Variants in PRDM14 observed in about 807,000 individuals in gnomAD.
PRDM14 encodes PR domain zinc finger protein 14.
PRDM14 carries 16 observed loss-of-function variants against 48.0 expected under a neutral mutation model. That is an observed-to-expected ratio of 0.33 (90% CI 0.23 to 0.51). PRDM14 has a LOEUF of 0.51. Ranked by LOEUF, PRDM14 falls within the 20% of genes least tolerant of loss-of-function variation. PRDM14 has a pLI of 0.97. For missense variants in PRDM14, 566 were observed against 719.6 expected, an observed-to-expected ratio of 0.79 and a Z score of 2.44; for synonymous variants, 264 against 276.6, an observed-to-expected ratio of 0.95 and a Z score of 0.45.
Position 70,051,853 on chromosome 8 carries a change from C to G in PRDM14, c.*224G>C, listed in dbSNP as rs1476224387. ...GTGGGGCGATCTCAGCTCACAGCAA[C>G]CTCCGTCTCCTGTGCTCAAACCATC... is the stretch of plus-strand genomic sequence containing the variant. On this transcript the variant is annotated 3_prime_UTR_variant, in exon 8 of 8. Transcript: ENST00000276594. 2.2e-6 allele frequency: 1 copy of G among 462,612 alleles called. No homozygotes were observed. The highest frequency in any genetic ancestry group is 3.9e-6 in the Non-Finnish European group (1 of 256,634). The allele number at this position is 462,612 out of a possible 1,614,324, so 28.7% of individuals were successfully genotyped here. A position where few individuals can be genotyped will look rare whatever the true frequency, so the allele number is the denominator to read the frequency against.
chr8:70,069,664 A>T lies in PRDM14; in HGVS notation c.197T>A (p.Met66Lys), dbSNP rs1277233772. Residue 66 changes from methionine (M) to lysine (K), a missense_variant, in exon 2 of 8, where the codon ATG (methionine) becomes AAG (lysine). By Grantham distance (95) the Met-to-Lys change is moderately conservative. Around this residue, in one of 3 missense-constraint regions of PRDM14, gnomAD observed 410 missense variants for 424.6 expected, o/e 0.97. Transcript: ENST00000276594. ...CGCCATCCGGAAGGGGAAGGGGGGCATGGCGGGGGCAGCAGACGCTGCGGC... is the reference window on the plus strand; with the variant it reads ...CGCCATCCGGAAGGGGAAGGGGGGCTTGGCGGGGGCAGCAGACGCTGCGGC... ...LEAAASAAPA[M>K]PPFPFRMAPP... 1 of 1,540,768 alleles carries T rather than the reference A, an allele frequency of 6.5e-7. No homozygotes were observed. Among genetic ancestry groups the T allele is most frequent in the Non-Finnish European group, 8.7e-7 (1 of 1,144,364 alleles).
intron 6 of PRDM14, among the ~76,000 whole-genome samples, chr8:70,057,497 T>A (rs1050021087): frequency 2.6e-5 from 4 of 151,792 alleles, no homozygotes; most frequent in African/African-American, 9.7e-5. Context: ...ACCCGGCTAA[T>A]GTTTTTATAT....
intron 5 of PRDM14, among the ~76,000 whole-genome samples, chr8:70,059,152 A>G (rs1464113483): frequency 2.6e-5 from 4 of 152,060 alleles, no homozygotes; most frequent in Admixed American, 1.3e-4. Context: ...ACAGGGTTTC[A>G]TCATGTTGGC....
chr8:70,065,794 T>C (rs983136554), intron 5 of PRDM14, among the ~76,000 whole-genome samples: 4 of 151,598 alleles, frequency 2.6e-5, no homozygotes, highest in Admixed American at 2.0e-4. Context: ...TTTTTTAATG[T>C]GGGTCTTGAC....
At position 70,069,470 on chromosome 8, in the gene PRDM14, G is replaced by A. The variant is rs750412322; in HGVS notation, c.391C>T (p.His131Tyr). 8 of 1,578,312 alleles carry A rather than the reference G, an allele frequency of 5.1e-6. No homozygotes were observed. Among genetic ancestry groups the A allele is most frequent in the Admixed American group, 1.8e-5 (1 of 56,442 alleles). ...YAGASSEDLG[H>Y]QIIGGDNESG... ...TCGTTGTCGCCACCAATGATTTGGTGGCCCAGATCTTCACTGCTGGCACCC... is the reference window on the plus strand; with the variant it reads ...TCGTTGTCGCCACCAATGATTTGGTAGCCCAGATCTTCACTGCTGGCACCC... Residue 131 changes from histidine (H) to tyrosine (Y), a missense_variant, in exon 2 of 8, where the codon CAC becomes TAC. Coordinates refer to ENST00000276594, the MANE Select transcript of PRDM14 (RefSeq NM_024504.4).
chr8:70,061,296 C>G (rs1805577678), intron 5 of PRDM14, among the ~76,000 whole-genome samples: 1 of 152,046 alleles, frequency 6.6e-6, no homozygotes, highest in African/African-American at 2.4e-5. Flanking sequence ...ATTGTTTGAC[C>G]CCAGGGAGGA....
At chr8:70,068,425 A>T (rs1373878079) in intron 3 of PRDM14, 38 bp from the exon 4 acceptor site, 1 of 1,614,140 alleles carries the variant, frequency 6.2e-7, no homozygotes, top group Non-Finnish European at 8.5e-7. Context: ...GAATGAGGAG[A>T]GTTGACTCTG....
intron 7 of PRDM14, among the ~76,000 whole-genome samples, chr8:70,055,099 T>A (rs1805451650): frequency 6.6e-6 from 1 of 152,252 alleles, no homozygotes; most frequent in South Asian, 2.1e-4. Flanking sequence ...GTACTCTAAA[T>A]GCCAGCTTGG....
rs537269481 is a variant in PRDM14 at position 70,066,881 on chromosome 8, A to C, written c.913-376T>G. On this transcript the variant is annotated intron_variant, in intron 4 of 7. Transcript: ENST00000276594. ...GCTGGAACTAAAGGCATGCACCATC[A>C]CGCCTGGCAAATTTTTTTAAAAAAA... Among the ~76,000 whole-genome samples the C allele has an allele frequency of 9.2e-5, 14 of 152,072 alleles. No homozygotes were observed. The East Asian group carries it at 2.5e-3, about 27-fold the overall frequency.
chr8:70,066,228 C>T lies in PRDM14; in HGVS notation c.1183+7G>A. ...CCTCATTGGGCAAGGCGAGGGTGTG[C>T]ACTCACCTTCAGAGGGCCCAGATGG... On this transcript the variant is annotated splice_region_variant and intron_variant, in intron 5 of 7. Transcript: ENST00000276594. 1 of 1,612,340 alleles carries T rather than the reference C, an allele frequency of 6.2e-7. No homozygotes were observed. Among genetic ancestry groups the T allele is most frequent in the East Asian group, 2.2e-5 (1 of 44,886 alleles).
chr8:70,058,027 T>C (rs1284219882), intron 6 of PRDM14, among the ~76,000 whole-genome samples: 1 of 152,182 alleles, frequency 6.6e-6, no homozygotes, highest in Non-Finnish European at 1.5e-5. Context: ...CTCCTTTTAA[T>C]TAAGCCCAAG....
intron 1 of PRDM14, 110 bp from the exon 2 acceptor site, chr8:70,069,994 C>G: frequency 1.6e-6 from 1 of 636,186 alleles, no homozygotes; most frequent in Non-Finnish European, 2.7e-6. Flanking sequence ...TCCAAGGGAA[C>G]AGGATAAACG....
At position 70,069,329 on chromosome 8, in the gene PRDM14, A is replaced by T. The variant is rs771403080; in HGVS notation, c.532T>A (p.Ser178Thr). ...QLLPCSPSKQSEDGPKPSNQE... is the reference protein window; with the variant it reads ...QLLPCSPSKQTEDGPKPSNQE... ...TTGGAGGGTTTGGGACCATCCTCTG[A>T]CTGCTTGCTGGGTGAGCAAGGTAAT... The change falls in exon 2 of 8, where the codon TCA becomes ACA. Residue 178 changes from serine (S) to threonine (T), a missense_variant. Physicochemically the swap from Ser to Thr is moderately conservative, Grantham distance 58 (BLOSUM62 1). Around this residue, in one of 3 missense-constraint regions of PRDM14, gnomAD observed 410 missense variants for 424.6 expected, o/e 0.97. Coordinates refer to ENST00000276594, the MANE Select transcript of PRDM14 (RefSeq NM_024504.4). The T allele has an allele frequency of 2.5e-6, 4 of 1,611,452 alleles. No individual in the cohort carries two copies. Among genetic ancestry groups the T allele is most frequent in the South Asian group, 2.2e-5 (2 of 90,582 alleles).
intron 5 of PRDM14, among the ~76,000 whole-genome samples, chr8:70,059,778 TAGA>T (rs1805545127): frequency 6.6e-6 from 1 of 152,164 alleles, no homozygotes. Flanking sequence ...CCGTAATCTT[TAGA>T]AGATGACATA....
rs751042462 is a variant in PRDM14, at chr8:70,069,171, TGGGG to T, written c.686_689del (p.Pro229GlnfsTer64). The T allele has an allele frequency of 4.6e-6, 7 of 1,513,090 alleles. No individual in the cohort carries two copies. The highest frequency in any genetic ancestry group is 2.2e-5 in the Admixed American group (1 of 45,716). 93.7% of individuals were successfully genotyped at this position (1,513,090 alleles called of 1,614,324 possible). On this transcript the variant is annotated frameshift_variant, in exon 2 of 8. Transcript: ENST00000276594. LOFTEE classifies it high-confidence loss of function. ...GTGAACTCCCTTTACCAGAGCTGTC[TGGGG>T]GGACCAGGAGGCCTGAAATCGCATG...
At chr8:70,067,532 A>AAAAC (rs1563442582) in intron 4 of PRDM14, among the ~76,000 whole-genome samples, 3 of 125,734 alleles carry the variant, frequency 2.4e-5, no homozygotes, top group African/African-American at 9.4e-5. Flanking sequence ...AAAAAAAAAC[A>AAAAC]AAAAAAAAAA....
chr8:70,055,587 C>T (rs1168859866), intron 6 of PRDM14, among the ~76,000 whole-genome samples, 186 bp from the exon 7 acceptor site: 3 of 151,470 alleles, frequency 2.0e-5, no homozygotes, highest in Non-Finnish European at 4.4e-5. Flanking sequence ...TTCACTGCAG[C>T]CTGGAACTCC....
At chr8:70,061,144 A>G (rs1805575467) in intron 5 of PRDM14, among the ~76,000 whole-genome samples, 1 of 152,154 alleles carries the variant, frequency 6.6e-6, no homozygotes, top group Non-Finnish European at 1.5e-5. Context: ...GACTCTAGCA[A>G]AGCAGGTCCC....
intron 5 of PRDM14, among the ~76,000 whole-genome samples, chr8:70,059,557 A>C (rs1468942269): frequency 2.6e-5 from 4 of 152,154 alleles, no homozygotes; most frequent in Admixed American, 6.5e-5. Context: ...GGCATGAGCC[A>C]CCATGCCCGG....
Sources: allele counts gnomAD v4.1 joint callset (sites outside exome capture counted in the v4.1 genomes callset), GRCh38; gene constraint gnomAD v4.1.1; regional missense constraint gnomAD v4.1.1; transcripts MANE v1.5; gene names NCBI Gene and HGNC (gene_info 2026-07-23, HGNC 2026-07-21).